The following ASMT variants were observed in gnomAD, a reference collection of about 807,000 sequenced individuals.
The protein encoded by ASMT is acetylserotonin N-methyltransferase.
Under a neutral mutation model 41.3 loss-of-function variants are expected in ASMT, and 53 were observed. The ratio of observed to expected loss-of-function variants is 1.28; its 90% CI spans 1.03 to 1.61. The LOEUF is 1.61. ASMT is among the 40% of genes most tolerant of loss of function. The pLI is 0.00. For missense variants in ASMT, 531 were observed against 441.3 expected (o/e 1.20, Z -1.82); for synonymous variants, 231 against 184.8 (o/e 1.25, Z -2.03).
At chrX:1,633,074 G>A in intron 6 of ASMT, 76 bp from the exon 7 acceptor site, 1 of 1,581,770 alleles carries the variant, frequency 6.3e-7, no homozygotes, top group Non-Finnish European at 8.7e-7. Context: ...CCCTTCATGA[G>A]TCCATGGTGT....
chrX:1,632,199 G>A (rs1349745680), intron 5 of ASMT, among the ~76,000 whole-genome samples: 2 of 152,082 alleles, frequency 1.3e-5, no homozygotes, highest in African/African-American at 2.4e-5. Flanking sequence ...GCTGTTGGCC[G>A]CCCTTGGCTG....
chrX:1,627,558 T>C (rs1390011174), intron 3 of ASMT, 145 bp from the exon 4 acceptor site: 26 of 847,982 alleles, frequency 3.1e-5, no homozygotes, highest in African/African-American at 8.2e-5. Flanking sequence ...AAGGCAGAGG[T>C]TGCAGTGAGC....
Position 1,637,487 on chromosome X carries a change from TGA to T in ASMT, c.910+930_910+931del, listed in dbSNP as rs1427959440. 2.7e-4 allele frequency among the ~76,000 whole-genome samples: 2 copies of T among 7,500 alleles called. 1 individual carries two copies. Among genetic ancestry groups the T allele is most frequent in the African/African-American group, 1.2e-3 (2 of 1,608 alleles). The allele number at this position is 7,500 out of a possible 152,430, so 4.9% of individuals were successfully genotyped here. A position where few individuals can be genotyped will look rare whatever the true frequency, so the allele number is the denominator to read the frequency against. On this transcript the variant is annotated intron_variant, in intron 8 of 8. Transcript: ENST00000381241. ...AGGATGTGGGCACAGCCTCTGTGTG[TGA>T]GATAGGGACCATGTCCCAGCTCTCC...
intron 1 of ASMT, among the ~76,000 whole-genome samples, chrX:1,617,958 T>C (rs1204088727): frequency 6.6e-6 from 1 of 151,940 alleles, no homozygotes; most frequent in African/African-American, 2.4e-5. Flanking sequence ...AAAATTAGAG[T>C]GAAGTCTCTT....
Position 1,642,153 on chromosome X carries a change from T to A in ASMT, c.911-650T>A, listed in dbSNP as rs1338738247. Among the ~76,000 whole-genome samples the A allele has an allele frequency of 2.7e-5, 4 of 146,846 alleles. No individual in the cohort carries two copies. The South Asian group carries it at 6.5e-4, about 24-fold the overall frequency. Reference sequence around the variant, plus strand: ...CTCCTGTGAGGTCCACCCATCCTGATGGTCCATGAGGACATGGGCACAGCC... The same window carrying A: ...CTCCTGTGAGGTCCACCCATCCTGAAGGTCCATGAGGACATGGGCACAGCC... On this transcript the variant is annotated intron_variant, in intron 8 of 8. Transcript: ENST00000381241.
At chrX:1,626,413 G>A (rs1200600586) in intron 3 of ASMT, among the ~76,000 whole-genome samples, 2 of 151,910 alleles carry the variant, frequency 1.3e-5, no homozygotes, top group Non-Finnish European at 2.9e-5. Flanking sequence ...TTGTGTTTTA[G>A]TAGAGACGGG....
At chrX:1,642,031 A>T (rs1434748070) in intron 8 of ASMT, among the ~76,000 whole-genome samples, 2 of 130,428 alleles carry the variant, frequency 1.5e-5, no homozygotes, top group East Asian at 5.7e-4. Context: ...TGGGGATAGC[A>T]TCCCAGTGTC....
At chrX:1,631,085 T>G (rs1302892211) in intron 5 of ASMT, among the ~76,000 whole-genome samples, 2 of 18,884 alleles carry the variant, frequency 1.1e-4, no homozygotes, top group Admixed American at 1.8e-3. Flanking sequence ...TAATTTTTTG[T>G]TTTTTTTTTT....
intron 3 of ASMT, among the ~76,000 whole-genome samples, chrX:1,624,960 G>A (rs1286444255): frequency 6.6e-6 from 1 of 151,890 alleles, no homozygotes; most frequent in African/African-American, 2.4e-5. Context: ...CTGGGAGGTG[G>A]GGGCTGACCC....
At chrX:1,631,095 T>A (rs1347203491) in intron 5 of ASMT, among the ~76,000 whole-genome samples, 18 of 144,082 alleles carry the variant, frequency 1.2e-4, no homozygotes, top group Admixed American at 5.7e-4. Flanking sequence ...TTTTTTTTTT[T>A]AGTAGAGACG....
rs189366877 is a variant in ASMT, at chrX:1,641,246, T to C, written c.911-1557T>C. On this transcript the variant is annotated intron_variant, in intron 8 of 8. Transcript: ENST00000381241. Reference sequence around the variant, plus strand: ...CTGTGAGATCCATCCCTCCTGATGGTTCATGAGGATGTGGGCACAGCCTCT... The same window carrying C: ...CTGTGAGATCCATCCCTCCTGATGGCTCATGAGGATGTGGGCACAGCCTCT... Among the ~76,000 whole-genome samples the C allele has an allele frequency of 5.0e-3, 18 of 3,620 alleles. 2 individuals are homozygous for C. The highest frequency in any genetic ancestry group is 6.2e-3 in the Non-Finnish European group (16 of 2,582). The allele number at this position is 3,620 out of a possible 152,430, so 2.4% of individuals were successfully genotyped here.
At chrX:1,636,158 C>T (rs1464994961) in intron 7 of ASMT, 83 of 438,164 alleles carry the variant, frequency 1.9e-4, no homozygotes, top group Non-Finnish European at 2.7e-4. Flanking sequence ...AGGGTTTCAC[C>T]GTGTTAGCCA....
chrX:1,619,340 G>A (rs1205455983), intron 1 of ASMT, among the ~76,000 whole-genome samples: 3 of 150,112 alleles, frequency 2.0e-5, no homozygotes, highest in Admixed American at 6.7e-5. Context: ...GTTGCAGTGA[G>A]CCGAGATCAC....
At chrX:1,627,860 G>GGATT in intron 4 of ASMT, 89 bp downstream of exon 4, 1 of 1,243,792 alleles carries the variant, frequency 8.0e-7, no homozygotes, top group Non-Finnish European at 1.2e-6. Flanking sequence ...TTACTCAAAT[G>GGATT]GCACAACCCA....
In ASMT at chrX:1,642,992, A is replaced by C. The variant is rs1352723000; in HGVS notation, c.1100A>C (p.Asp367Ala). The stretch of plus-strand genomic sequence containing the variant: ...TTTAAGAAAACAGGAGCCATTTATG[A>C]TGCCATTTTAGCCAGGAAATAACTG... ...FQFKKTGAIY[D>A]AILARK The change falls in exon 9 of 9, where the codon GAT (aspartate) becomes GCT (alanine). Residue 367 changes from aspartate (D) to alanine (A), a missense_variant. Transcript: ENST00000381241. The C allele has an allele frequency of 6.2e-7, 1 of 1,613,926 alleles. No homozygotes were observed. Among genetic ancestry groups the C allele is most frequent in the Non-Finnish European group, 8.5e-7 (1 of 1,179,848 alleles).
At chrX:1,616,932 T>C (rs1314791417) in intron 1 of ASMT, among the ~76,000 whole-genome samples, 5 of 151,772 alleles carry the variant, frequency 3.3e-5, no homozygotes, top group African/African-American at 4.8e-5. Flanking sequence ...ATGGTCTCGA[T>C]CTCCTGACCT....
chrX:1,633,358 G>A (rs1479800019), intron 7 of ASMT, 68 bp downstream of exon 7: 4 of 1,599,384 alleles, frequency 2.5e-6, no homozygotes, highest in Non-Finnish European at 3.4e-6. Flanking sequence ...GGATGTTTCT[G>A]GGAAATGAAG....
chrX:1,629,474 G>A (rs568163511), intron 4 of ASMT, among the ~76,000 whole-genome samples: 4 of 152,234 alleles, frequency 2.6e-5, no homozygotes, highest in African/African-American at 9.6e-5. Flanking sequence ...CCTCCCACCC[G>A]CTTCCTGGAT....
chrX:1,633,391 T>G (rs1934849084), intron 7 of ASMT, 101 bp downstream of exon 7: 1 of 1,474,878 alleles, frequency 6.8e-7, no homozygotes, highest in African/African-American at 1.4e-5. Context: ...GGTTTTCCTC[T>G]CACTCCCGGA....
Sources: gnomAD v4.1 joint callset for allele counts (sites outside exome capture counted in the v4.1 genomes callset) on GRCh38, gnomAD v4.1.1 for gene constraint, MANE v1.5 for transcripts, NCBI Gene and HGNC (gene_info 2026-07-23, HGNC 2026-07-21) for gene names.